RALA: variants seen among roughly 807,000 people sequenced by gnomAD.
RALA encodes the protein RAS like proto-oncogene A.
Under a neutral mutation model 24.0 loss-of-function variants are expected in RALA, and 5 were observed. The observed-to-expected ratio is 0.21, with a 90% CI of 0.11 to 0.44. The LOEUF (loss-of-function observed/expected upper bound fraction) is 0.44. Among genes scored for constraint, RALA ranks in the 20% least tolerant of loss-of-function variants. The pLI, the probability that RALA is intolerant of heterozygous loss-of-function variation, is 0.99. For synonymous variants in RALA, 77 were observed against 83.8 expected, an observed-to-expected ratio of 0.92 and a Z score of 0.44; for missense variants, 95 against 241.2, an observed-to-expected ratio of 0.39 and a Z score of 4.01.
intron 4 of RALA, chr7:39,703,160 C>A (rs1367376741): frequency 6.6e-6 from 1 of 152,110 alleles, no homozygotes; most frequent in Non-Finnish European, 1.5e-5. Context: ...GAAATTAAAC[C>A]TTCATCTAGT....
chr7:39,683,337 C>T (rs76643075), intron 1 of RALA, among the ~76,000 whole-genome samples: 2,083 of 152,278 alleles, frequency 0.014, 46 homozygotes, highest in African/African-American at 0.047. Context: ...GTGTCTGGAG[C>T]GCTCTTCCCT....
At chr7:39,684,339 A>G (rs1477821977) in intron 1 of RALA, among the ~76,000 whole-genome samples, 1 of 152,208 alleles carries the variant, frequency 6.6e-6, no homozygotes, top group East Asian at 1.9e-4. Flanking sequence ...GATCTCAGTT[A>G]TGTTAAATGT....
intron 1 of RALA, among the ~76,000 whole-genome samples, chr7:39,658,119 T>G (rs1437824415): frequency 3.9e-5 from 6 of 152,192 alleles, no homozygotes; most frequent in African/African-American, 1.4e-4. Context: ...CACAGACAGT[T>G]GCTAAATGCA....
In RALA at chr7:39,696,781, A is replaced by G. The variant is rs1792930100; in HGVS notation, c.420A>G (p.Glu140=). Reference sequence around the variant, plus strand: ...AAGATAAAAGACAGGTTTCTGTAGAAGAGGCAAAAAACAGAGCTGAGCAGT... The same window carrying G: ...AAGATAAAAGACAGGTTTCTGTAGAGGAGGCAAAAAACAGAGCTGAGCAGT... ...DLEDKRQVSV[E]EAKNRAEQWN... Residue 140 remains glutamate, a synonymous_variant, in exon 4 of 5, where the codon GAA becomes GAG. Coordinates refer to ENST00000005257, the MANE Select transcript of RALA (RefSeq NM_005402.4). 1 of 1,613,760 alleles carries G rather than the reference A, an allele frequency of 6.2e-7. No individual in the cohort carries two copies. The highest frequency in any genetic ancestry group is 1.1e-5 in the South Asian group (1 of 91,060).
intron 4 of RALA, among the ~76,000 whole-genome samples, chr7:39,697,111 T>C (rs1381786683): frequency 6.6e-6 from 1 of 152,166 alleles, no homozygotes; most frequent in Non-Finnish European, 1.5e-5. Flanking sequence ...CTGATGGCAT[T>C]CCTGACTTTT....
chr7:39,655,999 T>C (rs1792090143), intron 1 of RALA, among the ~76,000 whole-genome samples: 1 of 152,218 alleles, frequency 6.6e-6, no homozygotes, highest in Non-Finnish European at 1.5e-5. Flanking sequence ...TCACTTTTTA[T>C]TGTGATCAGC....
chr7:39,683,994 A>AGCAAG (rs1191509168), intron 1 of RALA, among the ~76,000 whole-genome samples: 1 of 152,234 alleles, frequency 6.6e-6, no homozygotes, highest in African/African-American at 2.4e-5. Flanking sequence ...AGTAATGATC[A>AGCAAG]TAATAAAGAA....
At chr7:39,635,707 A>G (rs7806769) in intron 1 of RALA, among the ~76,000 whole-genome samples, 69,097 of 152,000 alleles carry the variant, frequency 0.45, 16,540 homozygotes, top group Non-Finnish European at 0.52. Context: ...TAAGGAGCAT[A>G]CAAACTAGAT....
rs71964842 is a variant in RALA, at chr7:39,683,840, AACACAC to A, written c.-37-2763_-37-2758del. On this transcript the variant is annotated intron_variant, in intron 1 of 4. Transcript: ENST00000005257. ...AGTGACTGCTAAGTGTTTTCTTTTG[AACACAC>A]ACACACACACACACACACACACACA... Among the ~76,000 whole-genome samples, 970 of 148,006 alleles carry A rather than the reference AACACAC, an allele frequency of 6.6e-3. 7 individuals are homozygous for A. The highest frequency in any genetic ancestry group is 0.012 in the East Asian group (62 of 5,052).
At chr7:39,672,494 A>G (rs1316776555) in intron 1 of RALA, among the ~76,000 whole-genome samples, 2 of 152,218 alleles carry the variant, frequency 1.3e-5, no homozygotes, top group Non-Finnish European at 2.9e-5. Context: ...CACACCATAC[A>G]ACCTACCAGT....
At chr7:39,653,349 T>C (rs988363876) in intron 1 of RALA, among the ~76,000 whole-genome samples, 3 of 151,960 alleles carry the variant, frequency 2.0e-5, no homozygotes, top group African/African-American at 7.3e-5. Context: ...TTTTTTGAGA[T>C]AGGGTCTTGC....
intron 1 of RALA, among the ~76,000 whole-genome samples, chr7:39,665,263 A>G (rs961746647): frequency 6.6e-6 from 1 of 152,096 alleles, no homozygotes; most frequent in African/African-American, 2.4e-5. Flanking sequence ...GAAGACCTTT[A>G]TGATGATCCA....
chr7:39,637,656 A>G (rs1791706957), intron 1 of RALA, among the ~76,000 whole-genome samples: 1 of 152,268 alleles, frequency 6.6e-6, no homozygotes, highest in African/African-American at 2.4e-5. Flanking sequence ...AAATGCACAG[A>G]TAACTGTATT....
chr7:39,653,603 A>T (rs919219966), intron 1 of RALA, among the ~76,000 whole-genome samples: 2 of 152,132 alleles, frequency 1.3e-5, no homozygotes, highest in African/African-American at 4.8e-5. Context: ...ATTTAGAATA[A>T]TTTATTTAGA....
chr7:39,692,007 A>G (rs1792825657), intron 3 of RALA, among the ~76,000 whole-genome samples: 1 of 152,200 alleles, frequency 6.6e-6, no homozygotes, highest in African/African-American at 2.4e-5. Flanking sequence ...TATAGAAAAT[A>G]AGGATGATTC....
At chr7:39,646,527 G>A (rs994229484) in intron 1 of RALA, among the ~76,000 whole-genome samples, 4 of 152,032 alleles carry the variant, frequency 2.6e-5, no homozygotes, top group African/African-American at 9.7e-5. Context: ...AGGAGGCTGA[G>A]GCAGGAGGAT....
Position 39,696,843 on chromosome 7 carries a change from G to A in RALA, c.482G>A (p.Arg161Gln), listed in dbSNP as rs1341106770. 6.2e-7 allele frequency: 1 copy of A among 1,611,742 alleles called. No individual in the cohort carries two copies. The highest frequency in any genetic ancestry group is 1.1e-5 in the South Asian group (1 of 90,280). The stretch of plus-strand genomic sequence containing the variant: ...TACGTGGAAACATCTGCTAAAACAC[G>A]AGCTAATGTTGACAAGGTAACACGT... Reference protein sequence around the residue: ...VNYVETSAKTRANVDKVFFDL... With the variant: ...VNYVETSAKTQANVDKVFFDL... The change falls in exon 4 of 5, where the codon CGA becomes CAA. Residue 161 changes from arginine to glutamine, a missense_variant. Coordinates refer to ENST00000005257, the MANE Select transcript of RALA (RefSeq NM_005402.4).
intron 1 of RALA, among the ~76,000 whole-genome samples, chr7:39,625,839 C>G (rs1370779084): frequency 6.6e-6 from 1 of 152,240 alleles, no homozygotes; most frequent in Non-Finnish European, 1.5e-5. Flanking sequence ...CGTTTTCTCT[C>G]CTCTCCAAGT....
At chr7:39,685,742 G>A (rs1344991197) in intron 1 of RALA, among the ~76,000 whole-genome samples, 1 of 151,748 alleles carries the variant, frequency 6.6e-6, no homozygotes, top group East Asian at 1.9e-4. Flanking sequence ...TGTTAGTTGG[G>A]GTATACAGTG....
Sources: gnomAD v4.1 joint callset for allele counts (sites outside exome capture counted in the v4.1 genomes callset) on GRCh38, gnomAD v4.1.1 for gene constraint, MANE v1.5 for transcripts, NCBI Gene and HGNC (gene_info 2026-07-23, HGNC 2026-07-21) for gene names.